The following VAV2 variants were observed in gnomAD, a reference collection of about 807,000 sequenced individuals.
The protein encoded by VAV2 is guanine nucleotide exchange factor VAV2.
A neutral mutation model predicts 132.5 loss-of-function variants in VAV2; 67 were observed. That is an observed-to-expected ratio of 0.51 (90% CI 0.42 to 0.62). The LOEUF is 0.62. Among genes scored for constraint, VAV2 ranks in the 20% least tolerant of loss-of-function variants. The pLI is 0.00. For synonymous variants in VAV2, 492 were observed against 443.5 expected (o/e 1.11, Z -1.37); for missense variants, 938 against 1,153.6 (o/e 0.81, Z 2.71).
intron 1 of VAV2, among the ~76,000 whole-genome samples, chr9:133,942,627 C>T (rs952450369): frequency 2.0e-5 from 3 of 152,264 alleles, no homozygotes; most frequent in Non-Finnish European, 4.4e-5. Context: ...CTCAGCCTCC[C>T]AAGTTTAGAG....
intron 2 of VAV2, among the ~76,000 whole-genome samples, chr9:133,878,158 C>T (rs1253684308): frequency 6.6e-6 from 1 of 152,218 alleles, no homozygotes; most frequent in African/African-American, 2.4e-5. Context: ...CGCCGGCCTG[C>T]GTCTCACAGA....
chr9:133,785,987 T>G, intron 16 of VAV2, 102 bp from the exon 17 acceptor site: 2 of 1,012,636 alleles, frequency 2.0e-6, no homozygotes, highest in Non-Finnish European at 3.0e-6. Flanking sequence ...CACGTGTGTA[T>G]ATGCATATGT....
chr9:133,921,074 T>C (rs117875207), intron 2 of VAV2, among the ~76,000 whole-genome samples: 4,750 of 152,292 alleles, frequency 0.031, 102 homozygotes, highest in Non-Finnish European at 0.048. Flanking sequence ...GCATAATCTC[T>C]GAAGCCGTGC....
intron 2 of VAV2, among the ~76,000 whole-genome samples, chr9:133,868,704 C>T (rs55909323): frequency 0.041 from 6,278 of 152,310 alleles, 222 homozygotes; most frequent in African/African-American, 0.095. Context: ...TGAAGGGTCC[C>T]GCCATCTCCT....
At chr9:133,945,288 G>A (rs765623169) in intron 1 of VAV2, among the ~76,000 whole-genome samples, 2 of 152,220 alleles carry the variant, frequency 1.3e-5, no homozygotes, top group African/African-American at 2.4e-5. Flanking sequence ...TCTGTTCAGA[G>A]GAGATGGGGA....
chr9:133,977,357 G>A (rs1842547305), intron 1 of VAV2, among the ~76,000 whole-genome samples: 2 of 152,208 alleles, frequency 1.3e-5, no homozygotes, highest in African/African-American at 2.4e-5. Flanking sequence ...GATGAGCTGG[G>A]GCCTAGGGGA....
intron 4 of VAV2, among the ~76,000 whole-genome samples, chr9:133,831,511 T>C (rs1387817629): frequency 6.6e-6 from 1 of 151,888 alleles, no homozygotes; most frequent in Non-Finnish European, 1.5e-5. Flanking sequence ...GCAGAAATCC[T>C]CTAAACTGAA....
intron 1 of VAV2, among the ~76,000 whole-genome samples, chr9:133,974,553 T>C (rs1564517040): frequency 1.3e-5 from 2 of 151,760 alleles, no homozygotes; most frequent in Non-Finnish European, 2.9e-5. Flanking sequence ...GGACGGGGAG[T>C]GCACCACCTT....
At chr9:133,936,791 C>G (rs1840927218) in intron 2 of VAV2, among the ~76,000 whole-genome samples, 4 of 152,134 alleles carry the variant, frequency 2.6e-5, no homozygotes, top group Admixed American at 1.3e-4. Context: ...CCGTCTACTC[C>G]CAGCTCCCCA....
intron 2 of VAV2, among the ~76,000 whole-genome samples, chr9:133,903,980 A>T (rs1839542561): frequency 6.6e-6 from 1 of 152,254 alleles, no homozygotes; most frequent in Admixed American, 6.5e-5. Context: ...TTAAATATTT[A>T]AGTAAATGTT....
intron 2 of VAV2, among the ~76,000 whole-genome samples, chr9:133,898,816 C>CTTTTT (rs60943412): frequency 1.2e-5 from 1 of 82,460 alleles, no homozygotes; most frequent in African/African-American, 4.7e-5. Flanking sequence ...CAGACCCTGC[C>CTTTTT]TTTTTTTTTT....
intron 2 of VAV2, among the ~76,000 whole-genome samples, chr9:133,932,510 T>C (rs1704598221): frequency 6.6e-6 from 1 of 152,162 alleles, no homozygotes; most frequent in South Asian, 2.1e-4. Flanking sequence ...GATCCTTTAG[T>C]TCCTACTGGA....
At chr9:133,921,960 C>T (rs550238211) in intron 2 of VAV2, among the ~76,000 whole-genome samples, 8 of 152,374 alleles carry the variant, frequency 5.3e-5, no homozygotes, top group African/African-American at 1.9e-4. Flanking sequence ...AGCCTGCTTG[C>T]TTCCCGGCAC....
chr9:133,952,608 A>G lies in VAV2; in HGVS notation c.205-13389T>C, dbSNP rs534298856. Among the ~76,000 whole-genome samples the G allele has an allele frequency of 1.4e-3, 215 of 148,798 alleles. 1 individual carries two copies. Among genetic ancestry groups the G allele is most frequent in the African/African-American group, 4.8e-3 (187 of 38,774 alleles). On this transcript the variant is annotated intron_variant, in intron 1 of 29. Transcript: ENST00000371850. ...AAAGAGCAAGACTCTGTCTCGGGGA[A>G]AAAAAAAACAAACCTGAGGCTCTCG...
rs1836339267 is a variant in VAV2, at chr9:133,833,406, A to C, written c.449+866T>G. 6.6e-6 allele frequency among the ~76,000 whole-genome samples: 1 copy of C among 152,176 alleles called. No homozygotes were observed. The highest frequency in any genetic ancestry group is 1.5e-5 in the Non-Finnish European group (1 of 68,022). ...AAAACGAAGGGAGAGAGAAACACTA[A>C]GAGTCTTCCAGAAGAAACCGTAGTT... On this transcript the variant is annotated intron_variant, in intron 4 of 29. Coordinates refer to ENST00000371850, the MANE Select transcript of VAV2 (RefSeq NM_001134398.2). This position sits in a 1 kb window ranked among gnomAD's most constrained non-coding sequence, Gnocchi z 5.6.
Position 133,762,510 on chromosome 9 carries a change from C to G in VAV2, c.*1552G>C, listed in dbSNP as rs775477757. 6.6e-6 allele frequency: 1 copy of G among 152,496 alleles called. No homozygotes were observed. The highest frequency in any genetic ancestry group is 2.4e-5 in the African/African-American group (1 of 41,566). 9.4% of individuals were successfully genotyped at this position (152,496 alleles called of 1,614,324 possible). A position where few individuals can be genotyped will look rare whatever the true frequency, so the allele number is the denominator to read the frequency against. ...GGCTTCCTCCCCGCCATCCTCCGCG[C>G]CTGCTGGGCCGCAGGTCGCAAAGTG... On this transcript the variant is annotated 3_prime_UTR_variant, in exon 30 of 30. Transcript: ENST00000371850. The surrounding 1 kb of genome is among the most constrained non-coding windows in gnomAD (Gnocchi z 5.0).
At chr9:133,798,393 G>A (rs1187304834) in intron 9 of VAV2, among the ~76,000 whole-genome samples, 2 of 152,186 alleles carry the variant, frequency 1.3e-5, no homozygotes, top group African/African-American at 4.8e-5. Context: ...CTGGGAGGAC[G>A]CCCAGGAAGC....
At chr9:133,796,593 C>CTCTCTGTGGGCGGGG in intron 10 of VAV2, 69 bp from the exon 11 acceptor site, 1 of 1,424,678 alleles carries the variant, frequency 7.0e-7, no homozygotes, top group Non-Finnish European at 9.6e-7. Flanking sequence ...CCTGTACCCC[C>CTCTCTGTGGGCGGGG]GCCCACAGAG....
At position 133,826,588 on chromosome 9, in the gene VAV2, CTG is replaced by C. The variant is rs1335522481; in HGVS notation, c.449+7682_449+7683del. Among the ~76,000 whole-genome samples, 1 of 152,198 alleles carries C rather than the reference CTG, an allele frequency of 6.6e-6. No individual in the cohort carries two copies. Among genetic ancestry groups the C allele is most frequent in the Non-Finnish European group, 1.5e-5 (1 of 68,024 alleles). ...CTGGTGGGGCATGTTTACCAGCTGG[CTG>C]TCAGACATCTAGCAGCACACTCTGG... On this transcript the variant is annotated intron_variant, in intron 4 of 29. Transcript: ENST00000371850. The surrounding 1 kb of genome is among the most constrained non-coding windows in gnomAD (Gnocchi z 4.2).
Sources: gnomAD v4.1 joint callset for allele counts (sites outside exome capture counted in the v4.1 genomes callset) on GRCh38, gnomAD v4.1.1 for gene constraint, Gnocchi (gnomAD v3.1) non-coding constraint, MANE v1.5 for transcripts, NCBI Gene and HGNC (gene_info 2026-07-23, HGNC 2026-07-21) for gene names.